Variants in DMD observed in about 807,000 individuals in gnomAD.
The protein encoded by DMD is dystrophin, also known as mutant dystrophin.
In DMD, 63 loss-of-function variants were observed where a neutral mutation model predicts 330.1. The ratio of observed to expected loss-of-function variants is 0.19; its 90% CI spans 0.16 to 0.24. The LOEUF is 0.24. Among genes scored for constraint, DMD ranks in the 10% least tolerant of loss-of-function variants. The probability of loss-of-function intolerance (pLI) is 1.00; values close to 1 mark genes in which losing one functional copy is unlikely to be tolerated. For missense variants in DMD, 3,344 were observed against 2,684.1 expected, an observed-to-expected ratio of 1.25 and a Z score of -5.43; for synonymous variants, 1,223 against 959.8, an observed-to-expected ratio of 1.27 and a Z score of -5.07.
intron 62 of DMD, among the ~76,000 whole-genome samples, chrX:31,306,827 G>C (rs1036968125): frequency 9.0e-6 from 1 of 111,686 alleles, no homozygotes; most frequent in African/African-American, 3.3e-5. Context: ...GGAACTAAAA[G>C]TTATTTGGAT....
chrX:32,619,245 G>T (rs1378294741), intron 11 of DMD, among the ~76,000 whole-genome samples: 3 of 111,379 alleles, frequency 2.7e-5, no homozygotes, highest in Non-Finnish European at 5.7e-5. Context: ...ACTTATATGT[G>T]GAATCTAAAA....
chrX:32,473,047 G>C (rs974903875), intron 21 of DMD, among the ~76,000 whole-genome samples: 2 of 110,877 alleles, frequency 1.8e-5, no homozygotes, highest in African/African-American at 6.5e-5. Context: ...ACGTTTTAAA[G>C]TATGTATGTG....
intron 50 of DMD, among the ~76,000 whole-genome samples, chrX:31,816,794 T>TCTCACACACA (rs1556914952): frequency 8.2e-5 from 7 of 85,342 alleles, no homozygotes; most frequent in Non-Finnish European, 1.4e-4. Flanking sequence ...CAAGATTCTG[T>TCTCACACACA]CACACACACA....
At chrX:32,194,116 T>C (rs1355340694) in intron 44 of DMD, among the ~76,000 whole-genome samples, 1 of 112,598 alleles carries the variant, frequency 8.9e-6, no homozygotes, top group Non-Finnish European at 1.9e-5. Flanking sequence ...CATACATCAA[T>C]GATGGATACA....
At chrX:32,635,125 C>T (rs1229500457) in intron 11 of DMD, among the ~76,000 whole-genome samples, 1 of 111,348 alleles carries the variant, frequency 9.0e-6, no homozygotes, top group African/African-American at 3.3e-5. Flanking sequence ...GACAGGGCAG[C>T]ACTGATTTTC....
intron 32 of DMD, among the ~76,000 whole-genome samples, chrX:32,388,636 C>G (rs2097977842): frequency 9.0e-6 from 1 of 110,508 alleles, no homozygotes; most frequent in African/African-American, 3.3e-5. Context: ...CTGAAGGACT[C>G]TGTTTTTCAT....
At chrX:32,684,024 C>T (rs868256443) in intron 9 of DMD, among the ~76,000 whole-genome samples, 16 of 96,871 alleles carry the variant, frequency 1.7e-4, no homozygotes, top group Non-Finnish European at 2.5e-4. Context: ...TACATACACA[C>T]ACACACACAC....
intron 50 of DMD, among the ~76,000 whole-genome samples, chrX:31,788,453 T>A (rs1458190317): frequency 3.6e-5 from 4 of 111,899 alleles, no homozygotes; most frequent in African/African-American, 1.3e-4. Context: ...ATGCTTTCAA[T>A]CTTGTTAAAT....
chrX:31,504,249 A>C (rs2070714365), intron 56 of DMD, among the ~76,000 whole-genome samples: 1 of 111,706 alleles, frequency 9.0e-6, no homozygotes, highest in Non-Finnish European at 1.9e-5. Flanking sequence ...GTATGGCAGA[A>C]GAAAAATAAA....
At chrX:33,001,584 G>A (rs2093279519) in intron 2 of DMD, among the ~76,000 whole-genome samples, 1 of 111,375 alleles carries the variant, frequency 9.0e-6, no homozygotes, top group African/African-American at 3.3e-5. Context: ...AAATGTGGGT[G>A]GTTTCTTTAC....
intron 45 of DMD, among the ~76,000 whole-genome samples, chrX:31,936,615 G>A (rs1032826246): frequency 7.2e-5 from 8 of 110,876 alleles, no homozygotes; most frequent in African/African-American, 2.6e-4. Context: ...TTGAGACTAC[G>A]TTTCCAGCTT....
chrX:31,958,695 C>G (rs972576819), intron 45 of DMD, among the ~76,000 whole-genome samples: 2 of 111,744 alleles, frequency 1.8e-5, no homozygotes, highest in Non-Finnish European at 3.8e-5. Flanking sequence ...AAATTAATGA[C>G]TTGAGAAAGG....
Position 32,499,634 on chromosome X carries a change from T to G in DMD, c.2380+2121A>C, listed in dbSNP as rs141219639. 1.3e-3 allele frequency among the ~76,000 whole-genome samples: 141 copies of G among 111,443 alleles called. 1 individual carries two copies. Among genetic ancestry groups the G allele is most frequent in the African/African-American group, 4.4e-3 (136 of 30,758 alleles). On this transcript the variant is annotated intron_variant, in intron 19 of 78. Transcript: ENST00000357033. ...CATAGCCTAAGCTTGGGAAGGAAGA[T>G]TCTGGACTTATAAATTTAAGAGCTT...
intron 13 of DMD, among the ~76,000 whole-genome samples, chrX:32,577,598 G>C (rs2053202176): frequency 8.9e-6 from 1 of 112,284 alleles, no homozygotes; most frequent in African/African-American, 3.2e-5. Flanking sequence ...TCTAAGAACT[G>C]CCAAGGGTCA....
chrX:32,302,912 T>A (rs5927961), intron 42 of DMD, among the ~76,000 whole-genome samples: 19,813 of 110,200 alleles, frequency 0.18, 1,434 homozygotes, highest in Non-Finnish European at 0.21. Context: ...AGGGTACAAC[T>A]ATCAACAATC....
intron 48 of DMD, among the ~76,000 whole-genome samples, chrX:31,872,272 T>A (rs1049261976): frequency 6.3e-5 from 7 of 110,949 alleles, no homozygotes; most frequent in Admixed American, 9.6e-5. Context: ...GAGGCAAATA[T>A]CATGACTCTC....
chrX:31,770,901 C>T (rs747203720), intron 51 of DMD, among the ~76,000 whole-genome samples: 1 of 111,948 alleles, frequency 8.9e-6, no homozygotes, highest in Non-Finnish European at 1.9e-5. Context: ...TTATTATTTT[C>T]TTCCTTCAAC....
intron 2 of DMD, among the ~76,000 whole-genome samples, chrX:32,882,861 A>C (rs1230197313): frequency 8.9e-6 from 1 of 112,143 alleles, no homozygotes; most frequent in Non-Finnish European, 1.9e-5. Flanking sequence ...CTGCGTAGTC[A>C]CCTCCTGCAC....
chrX:32,717,324 C>A (rs2065834075), intron 7 of DMD, among the ~76,000 whole-genome samples: 2 of 111,229 alleles, frequency 1.8e-5, no homozygotes, highest in Admixed American at 1.9e-4. Context: ...CCCTATGTCC[C>A]AGACACTCCA....
Sources: gnomAD v4.1 joint callset for allele counts (sites outside exome capture counted in the v4.1 genomes callset) on GRCh38, gnomAD v4.1.1 for gene constraint, MANE v1.5 for transcripts, NCBI Gene and HGNC (gene_info 2026-07-23, HGNC 2026-07-21) for gene names.